Variants in SOX5 observed in about 807,000 individuals in gnomAD.
SOX5 encodes the protein SRY-box transcription factor 5.
Under a neutral mutation model 92.0 loss-of-function variants are expected in SOX5, and 9 were observed. The observed-to-expected ratio is 0.10, with a 90% CI of 0.06 to 0.17. The LOEUF is 0.17. Ranked by LOEUF, SOX5 falls within the 10% of genes least tolerant of loss-of-function variation. The pLI, the probability that SOX5 is intolerant of heterozygous loss-of-function variation, is 1.00. For synonymous variants in SOX5, 344 were observed against 336.3 expected (o/e 1.02, Z -0.25); for missense variants, 642 against 944.5 (o/e 0.68, Z 4.20).
chr12:24,389,259 A>C (rs908482741), intron 1 of SOX5, among the ~76,000 whole-genome samples: 8 of 152,152 alleles, frequency 5.3e-5, no homozygotes, highest in African/African-American at 1.9e-4. Context: ...TTCCAATTTC[A>C]TCCCTGTCCC....
At chr12:24,432,111 C>G (rs1164868831) in intron 1 of SOX5, among the ~76,000 whole-genome samples, 1 of 152,132 alleles carries the variant, frequency 6.6e-6, no homozygotes, top group Non-Finnish European at 1.5e-5. Context: ...AGCAAGCATG[C>G]CCAGCATGAC....
chr12:24,560,650 T>G (rs1954245853), intron 1 of SOX5, among the ~76,000 whole-genome samples: 1 of 152,216 alleles, frequency 6.6e-6, no homozygotes, highest in African/African-American at 2.4e-5. Flanking sequence ...CTGAATTCCT[T>G]TAAAATTAGA....
intron 2 of SOX5, among the ~76,000 whole-genome samples, chr12:24,285,288 G>A (rs1945729632): frequency 1.3e-5 from 2 of 151,244 alleles, no homozygotes; most frequent in Admixed American, 1.3e-4. Flanking sequence ...AGTATTAACA[G>A]GTCAAGACTT....
In SOX5 at chr12:24,057,351, C is replaced by G. The variant is rs1011756319; in HGVS notation, c.-2+155992G>C. The stretch of plus-strand genomic sequence containing the variant: ...CATTGTGAACAACATAACTGAAGCA[C>G]AGCAAACATTGTTTTGGATTTATAT... On this transcript the variant is annotated intron_variant, in intron 4 of 4. Transcript: ENST00000446891. Among the ~76,000 whole-genome samples the G allele has an allele frequency of 3.3e-5, 5 of 152,276 alleles. No homozygotes were observed. In the South Asian group the frequency reaches 8.3e-4, roughly 25 times the overall value.
At chr12:24,175,482 G>C (rs1339837736) in intron 4 of SOX5, among the ~76,000 whole-genome samples, 1 of 152,162 alleles carries the variant, frequency 6.6e-6, no homozygotes, top group Non-Finnish European at 1.5e-5. Flanking sequence ...GTGCATGCAC[G>C]CTGGGAGCAA....
chr12:23,565,028 C>T (rs150605698), intron 10 of SOX5, among the ~76,000 whole-genome samples: 122 of 152,246 alleles, frequency 8.0e-4, no homozygotes, highest in African/African-American at 2.8e-3. Flanking sequence ...AGAAAAGTTC[C>T]AGTGTAGGCG....
chr12:24,241,125 AG>A (rs1384406658), intron 3 of SOX5, among the ~76,000 whole-genome samples: 1 of 152,162 alleles, frequency 6.6e-6, no homozygotes, highest in African/African-American at 2.4e-5. Context: ...CAAGAATTTA[AG>A]GTTCATAGTC....
chr12:23,538,693 A>T (rs1232253742), intron 13 of SOX5, among the ~76,000 whole-genome samples: 1 of 152,190 alleles, frequency 6.6e-6, no homozygotes, highest in Non-Finnish European at 1.5e-5. Flanking sequence ...TACCATAAAT[A>T]ACTCACAAAT....
intron 2 of SOX5, among the ~76,000 whole-genome samples, chr12:24,340,639 G>A (rs1952469607): frequency 6.6e-6 from 1 of 152,186 alleles, no homozygotes. Context: ...GGTCACCAAT[G>A]AATTTTCTAT....
At chr12:23,697,544 T>C (rs2090047224) in intron 6 of SOX5, among the ~76,000 whole-genome samples, 1 of 152,174 alleles carries the variant, frequency 6.6e-6, no homozygotes, top group African/African-American at 2.4e-5. Flanking sequence ...TTTACATTTA[T>C]TTATCATGAT....
chr12:24,303,348 G>A (rs367823989), intron 2 of SOX5, among the ~76,000 whole-genome samples: 3 of 151,616 alleles, frequency 2.0e-5, no homozygotes, highest in South Asian at 4.1e-4. Flanking sequence ...AAAACAAGAC[G>A]TTAGACATCA....
At chr12:24,248,546 G>A (rs1248834807) in intron 3 of SOX5, among the ~76,000 whole-genome samples, 10 of 152,056 alleles carry the variant, frequency 6.6e-5, no homozygotes, top group African/African-American at 9.7e-5. Context: ...TACCACGCTC[G>A]GCTAATTTTT....
At chr12:24,430,075 A>C (rs1401233084) in intron 1 of SOX5, among the ~76,000 whole-genome samples, 1 of 152,318 alleles carries the variant, frequency 6.6e-6, no homozygotes, top group East Asian at 1.9e-4. Context: ...ACTTTTGAAA[A>C]TCTTAGGGGT....
At chr12:24,551,020 G>T (rs1162463280) in intron 1 of SOX5, among the ~76,000 whole-genome samples, 1 of 152,104 alleles carries the variant, frequency 6.6e-6, no homozygotes, top group Non-Finnish European at 1.5e-5. Flanking sequence ...ACCCACTTTT[G>T]CAGTCATTAC....
chr12:24,490,921 A>AT (rs1293745353), intron 1 of SOX5, among the ~76,000 whole-genome samples: 1 of 152,194 alleles, frequency 6.6e-6, no homozygotes, highest in East Asian at 1.9e-4. Context: ...CCTCAGAAAG[A>AT]TTTTTAAAAT....
At chr12:23,982,244 C>T (rs1212102116) in intron 4 of SOX5, among the ~76,000 whole-genome samples, 1 of 152,180 alleles carries the variant, frequency 6.6e-6, no homozygotes, top group Non-Finnish European at 1.5e-5. Flanking sequence ...AAATGACTTT[C>T]TCTGCTTCAG....
chr12:24,469,966 A>G (rs2137616719), intron 1 of SOX5, among the ~76,000 whole-genome samples: 1 of 152,348 alleles, frequency 6.6e-6, no homozygotes, highest in South Asian at 2.1e-4. Flanking sequence ...GGTTTCATGA[A>G]AAACAAAAAA....
chr12:24,454,872 C>A (rs1942811032), intron 1 of SOX5, among the ~76,000 whole-genome samples: 1 of 151,544 alleles, frequency 6.6e-6, no homozygotes, highest in African/African-American at 2.4e-5. Flanking sequence ...CAAAATTAGA[C>A]AGGAAAGAAT....
chr12:24,252,642 A>G (rs1384282003), intron 3 of SOX5, among the ~76,000 whole-genome samples: 1 of 151,942 alleles, frequency 6.6e-6, no homozygotes, highest in Non-Finnish European at 1.5e-5. Flanking sequence ...TTTGGAATAG[A>G]AACTGTTTAG....
Sources: allele counts gnomAD v4.1 joint callset (sites outside exome capture counted in the v4.1 genomes callset), GRCh38; gene constraint gnomAD v4.1.1; transcripts MANE v1.5; gene names NCBI Gene and HGNC (gene_info 2026-07-23, HGNC 2026-07-21).